The following CNTNAP2 variants were observed in gnomAD, a reference collection of about 807,000 sequenced individuals.
The protein encoded by CNTNAP2 is contactin-associated protein-like 2.
CNTNAP2 carries 98 observed loss-of-function variants against 155.2 expected under a neutral mutation model. That is an observed-to-expected ratio of 0.63 (90% CI 0.54 to 0.75). CNTNAP2 has a LOEUF of 0.75. Among genes scored for constraint, CNTNAP2 ranks in the 30% least tolerant of loss-of-function variants. The pLI, the probability that CNTNAP2 is intolerant of heterozygous loss-of-function variation, is 0.00. For synonymous variants in CNTNAP2, 651 were observed against 631.2 expected (o/e 1.03, Z -0.47); for missense variants, 1,727 against 1,688.1 (o/e 1.02, Z -0.40).
intron 13 of CNTNAP2, among the ~76,000 whole-genome samples, chr7:147,824,635 T>C (rs560634624): frequency 2.6e-5 from 4 of 152,296 alleles, no homozygotes; most frequent in Admixed American, 1.3e-4. Flanking sequence ...GACTTCAGTT[T>C]GGTCCTCCCT....
intron 1 of CNTNAP2, among the ~76,000 whole-genome samples, chr7:146,352,878 C>CTGA (rs1794940658): frequency 6.7e-6 from 1 of 150,178 alleles, no homozygotes; most frequent in African/African-American, 2.5e-5. Flanking sequence ...CCTCAGCCTC[C>CTGA]CTAGTCGCTA....
intron 21 of CNTNAP2, among the ~76,000 whole-genome samples, chr7:148,313,007 A>T (rs959218792): frequency 6.6e-5 from 10 of 151,942 alleles, no homozygotes; most frequent in Non-Finnish European, 1.5e-4. Flanking sequence ...CAGATAATTT[A>T]GTTAAAGTGT....
intron 1 of CNTNAP2, among the ~76,000 whole-genome samples, chr7:146,199,215 T>G (rs1156480203): frequency 1.3e-5 from 2 of 152,222 alleles, no homozygotes; most frequent in Non-Finnish European, 1.5e-5. Flanking sequence ...AGAGATAGAA[T>G]CCAGCAAATG....
At chr7:147,851,645 C>T (rs987663949) in intron 13 of CNTNAP2, among the ~76,000 whole-genome samples, 1 of 151,318 alleles carries the variant, frequency 6.6e-6, no homozygotes, top group African/African-American at 2.4e-5. Flanking sequence ...TCATTCTCAG[C>T]AAACTATCAC....
chr7:147,144,016 A>ATTAAC (rs1286874317), intron 8 of CNTNAP2, among the ~76,000 whole-genome samples: 3 of 152,162 alleles, frequency 2.0e-5, no homozygotes, highest in African/African-American at 7.2e-5. Flanking sequence ...ATTTGACACG[A>ATTAAC]TTAACTCCAG....
chr7:147,300,672 A>G (rs941771514), intron 9 of CNTNAP2, among the ~76,000 whole-genome samples: 2 of 152,164 alleles, frequency 1.3e-5, no homozygotes, highest in Admixed American at 1.3e-4. Flanking sequence ...GTTTCTCTGG[A>G]TCAGGAATTC....
intron 11 of CNTNAP2, among the ~76,000 whole-genome samples, chr7:147,523,400 G>A (rs767914209): frequency 2.0e-5 from 3 of 152,152 alleles, no homozygotes; most frequent in African/African-American, 4.8e-5. Context: ...TCACTTCACC[G>A]TATTGTATTC....
chr7:147,808,579 C>T (rs1000414849), intron 13 of CNTNAP2, among the ~76,000 whole-genome samples: 2 of 152,214 alleles, frequency 1.3e-5, no homozygotes, highest in African/African-American at 4.8e-5. Context: ...ATTCTTTCTG[C>T]CCTTACCTGG....
At chr7:147,435,654 G>C (rs1027097111) in intron 10 of CNTNAP2, among the ~76,000 whole-genome samples, 10 of 152,158 alleles carry the variant, frequency 6.6e-5, no homozygotes, top group African/African-American at 2.4e-4. Context: ...TGCAAGCCTA[G>C]ACGCTACTGT....
At position 147,455,264 on chromosome 7, in the gene CNTNAP2, G is replaced by A. The variant is rs555434934; in HGVS notation, c.1671-30671G>A. Among the ~76,000 whole-genome samples the A allele has an allele frequency of 2.0e-5, 3 of 152,130 alleles. No individual in the cohort carries two copies. In the East Asian group the frequency reaches 5.8e-4, roughly 29 times the overall value. On this transcript the variant is annotated intron_variant, in intron 10 of 23. Coordinates refer to ENST00000361727, the MANE Select transcript of CNTNAP2 (RefSeq NM_014141.6). ...AATAACTCTGAAATCAGGAATTAGT[G>A]ATATACAACAGTAATTTCCACATCT... is the stretch of plus-strand genomic sequence containing the variant.
At chr7:146,508,235 G>A (rs1444709301) in intron 1 of CNTNAP2, among the ~76,000 whole-genome samples, 1 of 152,178 alleles carries the variant, frequency 6.6e-6, no homozygotes, top group Admixed American at 6.5e-5. Context: ...ACCTGTCGGG[G>A]TTGTGGCAGG....
chr7:147,272,335 T>G (rs1339070212), intron 8 of CNTNAP2, among the ~76,000 whole-genome samples: 1 of 117,570 alleles, frequency 8.5e-6, no homozygotes, highest in Non-Finnish European at 1.7e-5. Flanking sequence ...AGTACTAAAC[T>G]CTAAAGGAAT....
At chr7:147,378,359 A>T (rs991748805) in intron 9 of CNTNAP2, among the ~76,000 whole-genome samples, 2 of 151,994 alleles carry the variant, frequency 1.3e-5, no homozygotes, top group Non-Finnish European at 2.9e-5. Context: ...TAATTATATC[A>T]GGGTAAATGG....
chr7:148,058,908 G>A (rs1328974241), intron 15 of CNTNAP2, among the ~76,000 whole-genome samples: 1 of 152,136 alleles, frequency 6.6e-6, no homozygotes, highest in Non-Finnish European at 1.5e-5. Flanking sequence ...GGGGCACACA[G>A]GGGGTGTCTG....
chr7:148,085,613 C>T (rs900611211), intron 15 of CNTNAP2, among the ~76,000 whole-genome samples: 1 of 152,114 alleles, frequency 6.6e-6, no homozygotes, highest in Non-Finnish European at 1.5e-5. Flanking sequence ...AATTTTCATT[C>T]ATTTTATAAT....
chr7:147,090,322 C>CGT (rs146882206), intron 4 of CNTNAP2, among the ~76,000 whole-genome samples: 2,202 of 141,872 alleles, frequency 0.016, 21 homozygotes, highest in Middle Eastern at 0.026. Context: ...AACATATAAG[C>CGT]GTGTGTGTGT....
At chr7:146,862,876 C>T (rs777601015) in intron 3 of CNTNAP2, among the ~76,000 whole-genome samples, 8 of 152,224 alleles carry the variant, frequency 5.3e-5, no homozygotes, top group Non-Finnish European at 8.8e-5. Flanking sequence ...ATTCTGGTTC[C>T]CCCAGTTATT....
At chr7:147,816,569 G>A (rs1239790450) in intron 13 of CNTNAP2, among the ~76,000 whole-genome samples, 1 of 152,066 alleles carries the variant, frequency 6.6e-6, no homozygotes, top group Admixed American at 6.5e-5. Context: ...CCTACAGTTC[G>A]GTTTCTGCTT....
At position 147,516,868 on chromosome 7, in the gene CNTNAP2, C is replaced by CGT. The variant is rs148099776; in HGVS notation, c.1777+30841_1777+30842dup. 1.8e-3 allele frequency among the ~76,000 whole-genome samples: 168 copies of CGT among 91,680 alleles called. 1 individual carries two copies. The highest frequency in any genetic ancestry group is 8.5e-3 in the African/African-American group (154 of 18,118). The allele number at this position is 91,680 out of a possible 152,430, so 60.1% of individuals were successfully genotyped here. A position where few individuals can be genotyped will look rare whatever the true frequency, so the allele number is the denominator to read the frequency against. ...CTTTTCTTTTTTTTTTTTTTTTTTG[C>CGT]GTGTGTGTGTGTGTGACATAATCTC... is the stretch of plus-strand genomic sequence containing the variant. On this transcript the variant is annotated intron_variant, in intron 11 of 23. Coordinates refer to ENST00000361727, the MANE Select transcript of CNTNAP2 (RefSeq NM_014141.6).
Sources: gnomAD v4.1 joint callset for allele counts (sites outside exome capture counted in the v4.1 genomes callset) on GRCh38, gnomAD v4.1.1 for gene constraint, MANE v1.5 for transcripts, NCBI Gene and HGNC (gene_info 2026-07-23, HGNC 2026-07-21) for gene names.